The following GLYATL1 variants were observed in gnomAD, a reference collection of about 807,000 sequenced individuals.
The protein encoded by GLYATL1 is glycine-N-acyltransferase like 1.
GLYATL1 carries 15 observed loss-of-function variants against 20.0 expected under a neutral mutation model. The ratio of observed to expected loss-of-function variants is 0.75; its 90% CI spans 0.50 to 1.15. The LOEUF (loss-of-function observed/expected upper bound fraction) is 1.15, where lower values mean the gene tolerates loss of function less well. Ranked by LOEUF, GLYATL1 falls within the 50% of genes most tolerant of loss-of-function variation. The probability of loss-of-function intolerance (pLI) is 0.00; values close to 1 mark genes in which losing one functional copy is unlikely to be tolerated. For missense variants in GLYATL1, 380 were observed against 368.5 expected, an observed-to-expected ratio of 1.03 and a Z score of -0.26; for synonymous variants, 151 against 131.5, an observed-to-expected ratio of 1.15 and a Z score of -1.01.
chr11:58,941,658 T>C (rs1289358335), intron 1 of GLYATL1, among the ~76,000 whole-genome samples: 2 of 151,756 alleles, frequency 1.3e-5, no homozygotes, highest in African/African-American at 2.4e-5. Flanking sequence ...GGTAATAGAG[T>C]TTTTATAGGT....
intron 4 of GLYATL1, among the ~76,000 whole-genome samples, chr11:58,949,568 T>C (rs1400887862): frequency 1.3e-5 from 2 of 152,200 alleles, no homozygotes; most frequent in East Asian, 3.8e-4. Flanking sequence ...AACGTAACTA[T>C]AGCATCAAGC....
At chr11:58,941,123 C>T (rs1335933279) in intron 1 of GLYATL1, among the ~76,000 whole-genome samples, 2 of 151,424 alleles carry the variant, frequency 1.3e-5, no homozygotes, top group African/African-American at 4.9e-5. Flanking sequence ...ATGTGCCATG[C>T]TGGTGTGCTG....
upstream of GLYATL1, among the ~76,000 whole-genome samples, chr11:58,924,735 T>G (rs1458954023): frequency 2.6e-5 from 4 of 152,210 alleles, no homozygotes; most frequent in Non-Finnish European, 5.9e-5. Flanking sequence ...TTGTTTCCAG[T>G]CTAAGAGTGA....
At chr11:58,949,979 C>A (rs1856851856) in intron 4 of GLYATL1, among the ~76,000 whole-genome samples, 1 of 151,510 alleles carries the variant, frequency 6.6e-6, no homozygotes, top group African/African-American at 2.4e-5. Flanking sequence ...TCCTTTCCTA[C>A]CCCTTGGTTG....
rs372691267 is a variant in GLYATL1, at chr11:58,955,724, A to T, written c.606A>T (p.Ile202=). The change falls in exon 7 of 7, where the codon ATA becomes ATT. Residue 202 remains isoleucine (I), a synonymous_variant. Transcript: ENST00000532726. ...GCCTGCATTACATCAAGCGCTGCAT[A>T]GAAGACCTGCCAGCAGCCTGTATGC... The part of the protein sequence containing the change: ...ERSLHYIKRC[I]EDLPAACMLG... The T allele has an allele frequency of 6.2e-7, 1 of 1,614,224 alleles. No homozygotes were observed. The highest frequency in any genetic ancestry group is 1.1e-5 in the South Asian group (1 of 91,084).
intron 4 of GLYATL1, among the ~76,000 whole-genome samples, chr11:58,949,759 C>A (rs1410727035): frequency 6.6e-6 from 1 of 151,928 alleles, no homozygotes; most frequent in Non-Finnish European, 1.5e-5. Context: ...GATTCCATAG[C>A]ATACCATGTT....
At chr11:58,925,972 A>G (rs533293280), upstream of GLYATL1, among the ~76,000 whole-genome samples, 1 of 152,344 alleles carries the variant, frequency 6.6e-6, no homozygotes, top group South Asian at 2.1e-4. Context: ...CTATCCTATA[A>G]ATGCAAAAGT....
chr11:58,912,426 G>A (rs182700778), downstream of GLYATL1, among the ~76,000 whole-genome samples: 2 of 152,202 alleles, frequency 1.3e-5, no homozygotes, highest in East Asian at 3.9e-4. Context: ...GCACTGTCTT[G>A]CCCCTTTGAC....
intron 1 of GLYATL1, among the ~76,000 whole-genome samples, chr11:58,928,150 C>T (rs1177988522): frequency 6.6e-6 from 1 of 152,134 alleles, no homozygotes; most frequent in African/African-American, 2.4e-5. Flanking sequence ...TGATTAGGTG[C>T]CTTAATTGAG....
intron 1 of GLYATL1, among the ~76,000 whole-genome samples, chr11:58,922,303 A>G (rs2135116123): frequency 6.6e-6 from 1 of 152,304 alleles, no homozygotes; most frequent in Non-Finnish European, 1.5e-5. Context: ...ACTGCATTAC[A>G]TCTATAAGGG....
chr11:58,956,062 T>C lies in GLYATL1; in HGVS notation c.*35T>C, dbSNP rs1409801437. On this transcript the variant is annotated 3_prime_UTR_variant, in exon 7 of 7. Coordinates refer to ENST00000532726, the MANE Select transcript of GLYATL1 (RefSeq NM_001389712.2). The stretch of plus-strand genomic sequence containing the variant: ...CTGCTTAGTAATCTCTGCCAAGCCA[T>C]CTCTTAATATTAAAGCAGACACCAC... 1.9e-6 allele frequency: 3 copies of C among 1,556,228 alleles called. No individual in the cohort carries two copies. Among genetic ancestry groups the C allele is most frequent in the South Asian group, 1.1e-5 (1 of 87,150 alleles).
upstream of GLYATL1, among the ~76,000 whole-genome samples, chr11:58,922,805 G>T (rs946721685): frequency 1.3e-5 from 2 of 152,146 alleles, no homozygotes; most frequent in Non-Finnish European, 2.9e-5. Flanking sequence ...GGTTGAATTT[G>T]AATTCTATTT....
chr11:58,943,965 T>A (rs963828907), intron 2 of GLYATL1, among the ~76,000 whole-genome samples: 61 of 152,078 alleles, frequency 4.0e-4, no homozygotes, highest in Middle Eastern at 6.8e-3. Context: ...CTTTTCTTTT[T>A]TTTTTTTGTG....
intron 1 of GLYATL1, among the ~76,000 whole-genome samples, chr11:58,929,826 T>C (rs1855534782): frequency 6.6e-6 from 1 of 152,204 alleles, no homozygotes; most frequent in Non-Finnish European, 1.5e-5. Context: ...ACTCATTTCC[T>C]TTTCCTCAAC....
chr11:58,911,182 A>G (rs1289052808), downstream of GLYATL1, among the ~76,000 whole-genome samples: 1 of 152,208 alleles, frequency 6.6e-6, no homozygotes, highest in African/African-American at 2.4e-5. Context: ...GCTGAGTAAC[A>G]TTCCACTGTG....
chr11:58,947,140 C>T lies in GLYATL1; in HGVS notation c.53C>T (p.Ala18Val), dbSNP rs1261929464. 3.7e-6 allele frequency: 6 copies of T among 1,613,734 alleles called. No individual in the cohort carries two copies. In the Admixed American group the frequency reaches 8.3e-5, roughly 22 times the overall value. ...HKLLALYKSL[A>V]RSIPESLKVY... ...CTGCTGGCCCTATACAAATCCTTGG[C>T]CAGGAGCATCCCTGAGTCCCTGAAG... is the stretch of plus-strand genomic sequence containing the variant. The change falls in exon 3 of 7, where the codon GCC becomes GTC. Residue 18 changes from alanine to valine, a missense_variant. By Grantham distance (64) the Ala-to-Val change is moderately conservative (BLOSUM62 0). Transcript: ENST00000532726.
At chr11:58,921,875 C>T (rs1286508245) in intron 1 of GLYATL1, among the ~76,000 whole-genome samples, 3 of 152,200 alleles carry the variant, frequency 2.0e-5, no homozygotes, top group African/African-American at 4.8e-5. Context: ...GTCTGCCCTA[C>T]GAATGCCATA....
chr11:58,943,099 T>C (rs904048826), intron 1 of GLYATL1: 8 of 548,936 alleles, frequency 1.5e-5, no homozygotes, highest in African/African-American at 3.9e-5. Flanking sequence ...TCAATAAATT[T>C]TGCTACAAAC....
chr11:58,938,461 C>A (rs1181365657), upstream of GLYATL1, among the ~76,000 whole-genome samples: 1 of 152,156 alleles, frequency 6.6e-6, no homozygotes, highest in Non-Finnish European at 1.5e-5. Flanking sequence ...ACCTGTGAAA[C>A]CAGAATTCAT....
Sources: allele counts gnomAD v4.1 joint callset (sites outside exome capture counted in the v4.1 genomes callset), GRCh38; gene constraint gnomAD v4.1.1; transcripts MANE v1.5; gene names NCBI Gene and HGNC (gene_info 2026-07-23, HGNC 2026-07-21).